Variants in AKR1C8 observed in about 807,000 individuals in gnomAD.
AKR1C8 encodes the protein aldo-keto reductase family 1 member C-like protein 1.
the AKR1C8 span, among the ~76,000 whole-genome samples, chr10:5,138,161 G>A: frequency 1.3e-5 from 2 of 152,044 alleles, no homozygotes. Context: ...AAATTTACCA[G>A]AGTGGAGTTT....
chr10:5,146,024 AATG>A, the AKR1C8 span, among the ~76,000 whole-genome samples: 2 of 152,074 alleles, frequency 1.3e-5, no homozygotes, highest in Non-Finnish European at 2.9e-5. Context: ...AGCCATAAAA[AATG>A]ATAAGTTCAT....
At chr10:5,167,284 G>A in the AKR1C8 span, among the ~76,000 whole-genome samples, 13 of 152,114 alleles carry the variant, frequency 8.5e-5, 1 homozygote, top group Admixed American at 2.0e-4. Context: ...CCATTACTGG[G>A]TATATACCCA....
chr10:5,156,467 T>TA, the AKR1C8 span, among the ~76,000 whole-genome samples: 72 of 150,968 alleles, frequency 4.8e-4, no homozygotes, highest in African/African-American at 9.7e-4. Context: ...ATTTTTTGGT[T>TA]AAAAAAAAAA....
the AKR1C8 span, among the ~76,000 whole-genome samples, chr10:5,125,221 T>C: frequency 6.6e-6 from 1 of 152,116 alleles, no homozygotes; most frequent in African/African-American, 2.4e-5. Context: ...CTGTTTATGG[T>C]TAAAAATAAG....
chr10:5,158,110 A>C, the AKR1C8 span, among the ~76,000 whole-genome samples: 1 of 152,246 alleles, frequency 6.6e-6, no homozygotes. Context: ...ATGGTGAAAG[A>C]AGCCAGGTGC....
the AKR1C8 span, among the ~76,000 whole-genome samples, chr10:5,129,883 A>T: frequency 0.063 from 9,599 of 151,968 alleles, 350 homozygotes; most frequent in Middle Eastern, 0.082. Context: ...ATTCAAAAAG[A>T]TAGAGAGAGA....
the AKR1C8 span, among the ~76,000 whole-genome samples, chr10:5,119,222 A>G: frequency 1.3e-5 from 2 of 152,234 alleles, no homozygotes; most frequent in Admixed American, 6.5e-5. Flanking sequence ...AAATGAATGA[A>G]TGGCACAGTA....
At chr10:5,169,447 A>C in the AKR1C8 span, among the ~76,000 whole-genome samples, 5 of 152,254 alleles carry the variant, frequency 3.3e-5, no homozygotes, top group African/African-American at 1.2e-4. Flanking sequence ...TGTTGGTTAA[A>C]AATTTTTGGA....
the AKR1C8 span, among the ~76,000 whole-genome samples, chr10:5,172,106 T>G: frequency 1.3e-4 from 20 of 152,088 alleles, no homozygotes. Context: ...TTTAACTTCA[T>G]GTGTCCTAGG....
the AKR1C8 span, among the ~76,000 whole-genome samples, chr10:5,134,707 C>T: frequency 0.39 from 59,585 of 151,994 alleles, 12,500 homozygotes; most frequent in Non-Finnish European, 0.43. Context: ...AGTTTTCATA[C>T]ACCCCGTCTC....
the AKR1C8 span, chr10:5,158,850 C>A: frequency 5.4e-6 from 2 of 368,662 alleles, no homozygotes; most frequent in Non-Finnish European, 1.1e-5. Flanking sequence ...CCCCATGCAC[C>A]TTCTGAAGCA....
At chr10:5,130,562 A>T in the AKR1C8 span, among the ~76,000 whole-genome samples, 1 of 151,998 alleles carries the variant, frequency 6.6e-6, no homozygotes, top group Admixed American at 6.6e-5. Context: ...AGATTTGATA[A>T]ACAAATTCAG....
At chr10:5,171,409 A>G in the AKR1C8 span, among the ~76,000 whole-genome samples, 2 of 152,226 alleles carry the variant, frequency 1.3e-5, no homozygotes, top group East Asian at 3.9e-4. Flanking sequence ...TGGGAATTAT[A>G]GGTGTTTCCT....
chr10:5,174,029 C>CT, the AKR1C8 span, among the ~76,000 whole-genome samples: 1 of 151,830 alleles, frequency 6.6e-6, no homozygotes, highest in African/African-American at 2.4e-5. Context: ...AGAGAAATCT[C>CT]TGTTTTCCTT....
chr10:5,132,598 G>A, the AKR1C8 span: 7,643 of 1,558,254 alleles, frequency 4.9e-3, 307 homozygotes, highest in African/African-American at 0.088. Flanking sequence ...CATAGGCACA[G>A]TACCTTTGAA....
chr10:5,181,123 T>C, the AKR1C8 span, among the ~76,000 whole-genome samples: 1 of 152,196 alleles, frequency 6.6e-6, no homozygotes, highest in Non-Finnish European at 1.5e-5. Context: ...CTATTCGGCC[T>C]TCTTGGCTGC....
At chr10:5,169,859 A>T in the AKR1C8 span, among the ~76,000 whole-genome samples, 2 of 152,112 alleles carry the variant, frequency 1.3e-5, no homozygotes, top group Non-Finnish European at 2.9e-5. Context: ...GCTGAGTAAG[A>T]TGAGTAATTT....
At chr10:5,173,732 C>A in the AKR1C8 span, among the ~76,000 whole-genome samples, 2 of 151,740 alleles carry the variant, frequency 1.3e-5, no homozygotes. Flanking sequence ...TGTTTATATT[C>A]TCTGTAAAAT....
chr10:5,118,107 C>T, the AKR1C8 span, among the ~76,000 whole-genome samples: 1 of 152,164 alleles, frequency 6.6e-6, no homozygotes, highest in Non-Finnish European at 1.5e-5. Flanking sequence ...TCATATCAGA[C>T]TCAAGGCAAC....
Sources: allele counts gnomAD v4.1 joint callset (sites outside exome capture counted in the v4.1 genomes callset), GRCh38; gene constraint gnomAD v4.1.1; transcripts MANE v1.5; gene names NCBI Gene and HGNC (gene_info 2026-07-23, HGNC 2026-07-21).